JAZF1: variants seen among roughly 807,000 people sequenced by gnomAD.
JAZF1 encodes JAZF zinc finger 1, also known as juxtaposed with another zinc finger protein 1.
Under a neutral mutation model 26.4 loss-of-function variants are expected in JAZF1, and 8 were observed. The ratio of observed to expected loss-of-function variants is 0.30; its 90% CI spans 0.18 to 0.55. JAZF1 has a LOEUF of 0.55. Ranked by LOEUF, JAZF1 falls within the 20% of genes least tolerant of loss-of-function variation. The pLI is 0.94. For missense variants in JAZF1, 199 were observed against 322.0 expected (o/e 0.62, Z 2.92); for synonymous variants, 126 against 122.3 (o/e 1.03, Z -0.20).
At chr7:28,084,191 A>C (rs1021933066) in intron 1 of JAZF1, among the ~76,000 whole-genome samples, 8 of 152,158 alleles carry the variant, frequency 5.3e-5, no homozygotes, top group African/African-American at 1.9e-4. Flanking sequence ...GTTTCTCAGA[A>C]AGAGAAGAGA....
chr7:28,116,443 TTCTC>T (rs761869528), intron 1 of JAZF1, among the ~76,000 whole-genome samples: 18 of 152,168 alleles, frequency 1.2e-4, no homozygotes, highest in African/African-American at 3.6e-4. Flanking sequence ...ATGTATTTCT[TTCTC>T]TCTCTCTCTT....
rs528308606 is a variant in JAZF1, at chr7:27,885,824, T to C, written c.385+9396A>G. 1.7e-3 allele frequency among the ~76,000 whole-genome samples: 265 copies of C among 152,322 alleles called. 3 individuals are homozygous for C. In the Middle Eastern group the frequency reaches 0.02, roughly 12 times the overall value. On this transcript the variant is annotated intron_variant, in intron 3 of 4. Transcript: ENST00000283928. ...CCACCTGTAATGCACATTCCTGGAA[T>C]CAGCCTTCTCTGAGGTTAGTGCAGA...
chr7:27,968,054 A>T (rs910393332), intron 2 of JAZF1, among the ~76,000 whole-genome samples: 2 of 152,250 alleles, frequency 1.3e-5, no homozygotes, highest in Non-Finnish European at 2.9e-5. Flanking sequence ...GTAGTCAAAG[A>T]CTTTCAACAG....
chr7:28,129,699 T>C (rs1782757560), intron 1 of JAZF1, among the ~76,000 whole-genome samples: 1 of 152,088 alleles, frequency 6.6e-6, no homozygotes, highest in African/African-American at 2.4e-5. Flanking sequence ...ATTTTTTATT[T>C]TAATAAAAGT....
chr7:27,900,735 T>A (rs1784150599), intron 2 of JAZF1, among the ~76,000 whole-genome samples: 2 of 152,240 alleles, frequency 1.3e-5, no homozygotes, highest in South Asian at 4.1e-4. Flanking sequence ...GTAATATATC[T>A]CAGTAAAGAA....
chr7:28,065,259 G>T (rs1239825217), intron 1 of JAZF1, among the ~76,000 whole-genome samples: 26 of 152,124 alleles, frequency 1.7e-4, no homozygotes, highest in Non-Finnish European at 5.9e-5. Flanking sequence ...CATAGTCTGG[G>T]GTTCTTGACA....
At chr7:28,151,791 CA>C (rs369438312) in intron 1 of JAZF1, among the ~76,000 whole-genome samples, 3,312 of 143,886 alleles carry the variant, frequency 0.023, 139 homozygotes, top group African/African-American at 0.078. Flanking sequence ...AATTCCATCT[CA>C]AAAAAAAAAC....
chr7:27,835,665 A>T (rs1782792402), intron 4 of JAZF1, among the ~76,000 whole-genome samples: 1 of 152,214 alleles, frequency 6.6e-6, no homozygotes, highest in Admixed American at 6.5e-5. Flanking sequence ...ATGTTAGTAC[A>T]AGGTCAAGTG....
intron 3 of JAZF1, chr7:27,841,789 GC>G (rs1782930017): frequency 6.6e-6 from 1 of 152,110 alleles, no homozygotes; most frequent in South Asian, 2.1e-4. Flanking sequence ...TTTATTTGGA[GC>G]TTTTGCACAA....
intron 2 of JAZF1, among the ~76,000 whole-genome samples, chr7:27,923,357 C>T (rs537764050): frequency 1.9e-4 from 29 of 152,322 alleles, no homozygotes; most frequent in African/African-American, 2.9e-4. Context: ...CAAGTGCTCT[C>T]GGCATGAACT....
intron 1 of JAZF1, chr7:28,071,633 T>A (rs1399497244): frequency 2.1e-6 from 1 of 471,696 alleles, no homozygotes; most frequent in East Asian, 6.9e-5. Flanking sequence ...GCCACCCACA[T>A]ACAGACCCAA....
At position 27,840,596 on chromosome 7, in the gene JAZF1, C is replaced by T. The variant is rs778314422; in HGVS notation, c.555+102G>A. 1.1e-5 allele frequency: 13 copies of T among 1,217,130 alleles called. No homozygotes were observed. The highest frequency in any genetic ancestry group is 1.5e-5 in the Non-Finnish European group (13 of 845,186). 75.4% of individuals were successfully genotyped at this position (1,217,130 alleles called of 1,614,324 possible). A position where few individuals can be genotyped will look rare whatever the true frequency, so the allele number is the denominator to read the frequency against. ...ATGCAGGAGAGGGGAGTGTCTCCCCCCAGCCCATACGCTCGCTTTAAAATC... is the reference window on the plus strand; with the variant it reads ...ATGCAGGAGAGGGGAGTGTCTCCCCTCAGCCCATACGCTCGCTTTAAAATC... On this transcript the variant is annotated intron_variant, in intron 4 of 4. Transcript: ENST00000283928. This position sits in a 1 kb window ranked among gnomAD's most constrained non-coding sequence, Gnocchi z 5.1.
chr7:28,088,790 T>C (rs1372328146), intron 1 of JAZF1, among the ~76,000 whole-genome samples: 1 of 152,256 alleles, frequency 6.6e-6, no homozygotes, highest in Non-Finnish European at 1.5e-5. Flanking sequence ...CTTGTGTTTC[T>C]CTTTTATTGT....
intron 1 of JAZF1, among the ~76,000 whole-genome samples, chr7:28,000,293 T>C (rs1003358454): frequency 1.3e-5 from 2 of 151,342 alleles, no homozygotes; most frequent in African/African-American, 4.9e-5. Context: ...GGAGGGAGGG[T>C]TCCAGTATAG....
intron 3 of JAZF1, among the ~76,000 whole-genome samples, chr7:27,874,601 G>T (rs1303966391): frequency 6.6e-6 from 1 of 152,204 alleles, no homozygotes; most frequent in Non-Finnish European, 1.5e-5. Context: ...GGACATTCCT[G>T]TCACTTAGGA....
chr7:27,995,722 T>C (rs533200977), intron 1 of JAZF1, among the ~76,000 whole-genome samples: 1 of 152,326 alleles, frequency 6.6e-6, no homozygotes, highest in East Asian at 1.9e-4. Flanking sequence ...TGCACAGCTC[T>C]ATTATAAGGA....
At chr7:28,092,529 A>T (rs1389729531) in intron 1 of JAZF1, among the ~76,000 whole-genome samples, 1 of 151,988 alleles carries the variant, frequency 6.6e-6, no homozygotes, top group Non-Finnish European at 1.5e-5. Context: ...AACTGCTTAA[A>T]CTACTTCATA....
At chr7:28,064,853 C>T (rs1026274939) in intron 1 of JAZF1, among the ~76,000 whole-genome samples, 3 of 152,056 alleles carry the variant, frequency 2.0e-5, no homozygotes, top group Non-Finnish European at 4.4e-5. Context: ...TCTTGACCAG[C>T]TTAACAGGAT....
At chr7:28,168,368 G>A (rs1259388505) in intron 1 of JAZF1, among the ~76,000 whole-genome samples, 3 of 128,514 alleles carry the variant, frequency 2.3e-5, no homozygotes, top group Admixed American at 8.8e-5. Context: ...GTGACAGAGC[G>A]AGACTCCGTC....
Sources: gnomAD v4.1 joint callset for allele counts (sites outside exome capture counted in the v4.1 genomes callset) on GRCh38, gnomAD v4.1.1 for gene constraint, Gnocchi (gnomAD v3.1) non-coding constraint, MANE v1.5 for transcripts, NCBI Gene and HGNC (gene_info 2026-07-23, HGNC 2026-07-21) for gene names.